Variants in NIBAN2 observed in about 807,000 individuals in gnomAD.
NIBAN2 encodes protein Niban 2.
A neutral mutation model predicts 81.8 loss-of-function variants in NIBAN2; 36 were observed. The ratio of observed to expected loss-of-function variants is 0.44; its 90% CI spans 0.34 to 0.58. The LOEUF is 0.58. NIBAN2 is among the 20% of genes least tolerant of loss of function. The pLI, the probability that NIBAN2 is intolerant of heterozygous loss-of-function variation, is 0.02. For synonymous variants in NIBAN2, 445 were observed against 441.6 expected (o/e 1.01, Z -0.10); for missense variants, 897 against 1,014.1 (o/e 0.88, Z 1.57).
At chr9:127,539,397 C>G (rs1384392136) in intron 1 of NIBAN2, among the ~76,000 whole-genome samples, 1 of 152,148 alleles carries the variant, frequency 6.6e-6, no homozygotes, top group East Asian at 1.9e-4. Flanking sequence ...CTTTACTATC[C>G]TCATCTTACA....
At chr9:127,523,201 A>T (rs1230388498) in intron 5 of NIBAN2, among the ~76,000 whole-genome samples, 2 of 6,720 alleles carry the variant, frequency 3.0e-4, no homozygotes, top group Admixed American at 1.4e-3. Context: ...AAATATATAT[A>T]TATATATATA....
chr9:127,573,155 C>T (rs78362504), upstream of NIBAN2, among the ~76,000 whole-genome samples: 60 of 152,090 alleles, frequency 3.9e-4, no homozygotes, highest in African/African-American at 8.7e-4. Context: ...CAGGTAAAGG[C>T]GTGAGTGTGA....
intron 8 of NIBAN2, among the ~76,000 whole-genome samples, chr9:127,511,897 C>T (rs1345167564): frequency 2.6e-5 from 4 of 152,134 alleles, no homozygotes; most frequent in African/African-American, 9.7e-5. Context: ...CAATGAGATG[C>T]CACGTCACCC....
At chr9:127,551,839 C>T (rs937188167) in intron 1 of NIBAN2, among the ~76,000 whole-genome samples, 1 of 152,224 alleles carries the variant, frequency 6.6e-6, no homozygotes, top group Non-Finnish European at 1.5e-5. Flanking sequence ...TCCCTCAATG[C>T]CCATGCTCTG....
intron 9 of NIBAN2, among the ~76,000 whole-genome samples, chr9:127,509,475 A>C (rs189269385): frequency 2.0e-5 from 3 of 152,148 alleles, no homozygotes; most frequent in Non-Finnish European, 4.4e-5. Context: ...ATTGGGAGAG[A>C]GCTTTCCTGC....
At chr9:127,554,548 CTTTTTTTTTTTTTT>C (rs1230242603) in intron 1 of NIBAN2, among the ~76,000 whole-genome samples, 2 of 103,706 alleles carry the variant, frequency 1.9e-5, no homozygotes, top group Admixed American at 1.1e-4. Context: ...TTTTCTTTTT[CTTTTTTTTTTTTTT>C]TTTTTTTTTG....
At chr9:127,522,576 G>A (rs755254177) in intron 5 of NIBAN2, among the ~76,000 whole-genome samples, 10 of 151,956 alleles carry the variant, frequency 6.6e-5, no homozygotes, top group Non-Finnish European at 1.3e-4. Flanking sequence ...TGACCCCAGA[G>A]GCCCCCCTCC....
chr9:127,568,867 T>TC lies in NIBAN2; in HGVS notation c.7dup (p.Asp3GlyfsTer31). ...GTCGTCCAGGTGCGTGGACAGCACG[T>TC]CCCCCATGGCCAGGAGGTGTCGCGG... On this transcript the variant is annotated frameshift_variant, in exon 1 of 14. Coordinates refer to ENST00000373312, the MANE Select transcript of NIBAN2 (RefSeq NM_022833.4). LOFTEE classifies it high-confidence loss of function. The TC allele has an allele frequency of 7.4e-7, 1 of 1,358,802 alleles. No individual in the cohort carries two copies. The highest frequency in any genetic ancestry group is 9.5e-7 in the Non-Finnish European group (1 of 1,050,440). 84.2% of individuals were successfully genotyped at this position (1,358,802 alleles called of 1,614,324 possible).
intron 5 of NIBAN2, among the ~76,000 whole-genome samples, chr9:127,520,023 G>A (rs1375404670): frequency 3.9e-5 from 6 of 152,164 alleles, no homozygotes; most frequent in African/African-American, 9.7e-5. Context: ...GACAGCGGGA[G>A]GGAGGCCAGC....
chr9:127,530,897 G>A (rs1478600726), intron 2 of NIBAN2, among the ~76,000 whole-genome samples: 2 of 152,190 alleles, frequency 1.3e-5, no homozygotes, highest in Non-Finnish European at 2.9e-5. Flanking sequence ...GTGGGAAGGA[G>A]GCTAGGCATG....
At chr9:127,560,875 C>T (rs747002747) in intron 1 of NIBAN2, among the ~76,000 whole-genome samples, 5 of 152,134 alleles carry the variant, frequency 3.3e-5, no homozygotes, top group African/African-American at 4.8e-5. Context: ...ATCTTGAGAC[C>T]CCTACAAAAG....
At position 127,517,007 on chromosome 9, in the gene NIBAN2, C is replaced by T. The variant is rs750580619; in HGVS notation, c.823G>A (p.Val275Met). 6.8e-6 allele frequency: 11 copies of T among 1,613,388 alleles called. No individual in the cohort carries two copies. Among genetic ancestry groups the T allele is most frequent in the Middle Eastern group, 1.6e-4 (1 of 6,084 alleles). The change falls in exon 8 of 14, where the codon GTG becomes ATG. Residue 275 changes from valine to methionine, a missense_variant. Val to Met is a conservative substitution (Grantham distance 21, BLOSUM62 1). This residue lies in a region of NIBAN2 where 619 missense variants were observed against 691.0 expected (regional missense o/e 0.90). Coordinates refer to ENST00000373312, the MANE Select transcript of NIBAN2 (RefSeq NM_022833.4). This position sits in a 1 kb window ranked among gnomAD's most constrained non-coding sequence, Gnocchi z 4.0. ...QRQWIQISDA[V>M]YHMVYEQAKA... Reference sequence around the variant, plus strand: ...GCCTGCTCGTACACCATGTGGTACACGGCGTCCGAGATCTGTGGGCAGAGC... The same window carrying T: ...GCCTGCTCGTACACCATGTGGTACATGGCGTCCGAGATCTGTGGGCAGAGC...
intron 1 of NIBAN2, among the ~76,000 whole-genome samples, chr9:127,566,517 G>C (rs1588192406): frequency 6.6e-6 from 1 of 152,220 alleles, no homozygotes; most frequent in Non-Finnish European, 1.5e-5. Context: ...ACAGCACCGT[G>C]GCCGGGAGCA....
intron 5 of NIBAN2, among the ~76,000 whole-genome samples, chr9:127,520,457 C>G (rs1341626000): frequency 6.6e-6 from 1 of 151,982 alleles, no homozygotes; most frequent in East Asian, 1.9e-4. Context: ...AGGTTGGTCT[C>G]AAACTCTTGA....
At chr9:127,542,554 GA>G (rs2132208302) in intron 1 of NIBAN2, among the ~76,000 whole-genome samples, 1 of 152,382 alleles carries the variant, frequency 6.6e-6, no homozygotes, top group South Asian at 2.1e-4. Flanking sequence ...CCTCACCACG[GA>G]AACGGAGGCT....
chr9:127,531,614 C>G (rs1238496449), intron 2 of NIBAN2, 34 bp downstream of exon 2: 1 of 1,599,400 alleles, frequency 6.3e-7, no homozygotes, highest in African/African-American at 1.3e-5. Flanking sequence ...CGAGAAGTAG[C>G]AGAACATACC....
At chr9:127,541,301 G>A (rs945804771) in intron 1 of NIBAN2, among the ~76,000 whole-genome samples, 4 of 152,138 alleles carry the variant, frequency 2.6e-5, no homozygotes, top group African/African-American at 9.7e-5. Context: ...TGTCACAATC[G>A]ACACACAATA....
intron 1 of NIBAN2, among the ~76,000 whole-genome samples, chr9:127,539,483 AG>A (rs1253946034): frequency 6.6e-6 from 1 of 152,168 alleles, no homozygotes; most frequent in East Asian, 1.9e-4. Flanking sequence ...GCCGGGACTG[AG>A]GTCTAGGGTT....
Position 127,508,134 on chromosome 9 carries a change from T to C in NIBAN2, c.1501A>G (p.Ile501Val). The C allele has an allele frequency of 6.2e-7, 1 of 1,613,634 alleles. No homozygotes were observed. The highest frequency in any genetic ancestry group is 1.1e-5 in the South Asian group (1 of 91,072). The change falls in exon 12 of 14, where the codon ATC becomes GTC. Residue 501 changes from isoleucine (I) to valine (V), a missense_variant. This residue lies in a region of NIBAN2 where 619 missense variants were observed against 691.0 expected (regional missense o/e 0.90). Transcript: ENST00000373312. This position sits in a 1 kb window ranked among gnomAD's most constrained non-coding sequence, Gnocchi z 6.4. ...FFREALLQIS[I>V]PFLLKKLAPT... ...GCCAGCTTCTTGAGCAGGAACGGGATGCTGATCTGCAGCAGCGCCTCCCGG... is the reference window on the plus strand; with the variant it reads ...GCCAGCTTCTTGAGCAGGAACGGGACGCTGATCTGCAGCAGCGCCTCCCGG...
Sources: allele counts gnomAD v4.1 joint callset (sites outside exome capture counted in the v4.1 genomes callset), GRCh38; gene constraint gnomAD v4.1.1; regional missense constraint gnomAD v4.1.1; non-coding constraint Gnocchi (gnomAD v3.1); transcripts MANE v1.5; gene names NCBI Gene and HGNC (gene_info 2026-07-23, HGNC 2026-07-21).